Variants in TBC1D5 observed in about 807,000 individuals in gnomAD.
The protein encoded by TBC1D5 is TBC1 domain family member 5.
In TBC1D5, 75 loss-of-function variants were observed where a neutral mutation model predicts 100.3. That is an observed-to-expected ratio of 0.75 (90% CI 0.62 to 0.91). The LOEUF (loss-of-function observed/expected upper bound fraction) is 0.91, where lower values mean the gene tolerates loss of function less well. TBC1D5 is among the 40% of genes least tolerant of loss of function. TBC1D5 has a pLI of 0.00. For missense variants in TBC1D5, 910 were observed against 942.4 expected (o/e 0.97, Z 0.45); for synonymous variants, 323 against 325.6 (o/e 0.99, Z 0.09).
intron 1 of TBC1D5, among the ~76,000 whole-genome samples, chr3:17,644,783 G>A (rs2064861731): frequency 6.6e-6 from 1 of 152,032 alleles, no homozygotes; most frequent in Non-Finnish European, 1.5e-5. Context: ...ATATTTGGGA[G>A]ACAAAAATAC....
In TBC1D5 at chr3:17,554,890, G is replaced by A. The variant is rs192396333; in HGVS notation, c.-35-46285C>T. On this transcript the variant is annotated intron_variant, in intron 2 of 21. Transcript: ENST00000253692. The stretch of plus-strand genomic sequence containing the variant: ...TTTGGAGACAGAGTCTCACTCTGTC[G>A]CCAGGCTGGAGTGCAGTGGCGCGAT... Among the ~76,000 whole-genome samples the A allele has an allele frequency of 1.7e-3, 258 of 147,756 alleles. 1 individual carries two copies. The highest frequency in any genetic ancestry group is 2.8e-3 in the Non-Finnish European group (188 of 67,262).
chr3:17,380,039 C>CTCTGTGTG (rs1445285267), intron 9 of TBC1D5, among the ~76,000 whole-genome samples: 2 of 100,020 alleles, frequency 2.0e-5, no homozygotes, highest in African/African-American at 6.5e-5. Flanking sequence ...ACAGCTGTGA[C>CTCTGTGTG]TGTGTATGTG....
chr3:17,222,121 C>G (rs1392717589), intron 17 of TBC1D5, among the ~76,000 whole-genome samples: 1 of 152,086 alleles, frequency 6.6e-6, no homozygotes, highest in Non-Finnish European at 1.5e-5. Flanking sequence ...TTCATCTTTT[C>G]TTTTATCTTT....
Position 17,502,132 on chromosome 3 carries a change from G to C in TBC1D5, c.97+6342C>G, listed in dbSNP as rs1431221013. 2.0e-5 allele frequency among the ~76,000 whole-genome samples: 3 copies of C among 149,462 alleles called. No individual in the cohort carries two copies. The East Asian group carries it at 5.8e-4, about 29-fold the overall frequency. ...CACTGCCTCTCCTCTATACTTCCAA[G>C]ACCGCAGAACTCTTCTTCCACTGAT... is the stretch of plus-strand genomic sequence containing the variant. On this transcript the variant is annotated intron_variant, in intron 3 of 21. Coordinates refer to ENST00000253692, the Ensembl canonical transcript of TBC1D5.
intron 3 of TBC1D5, among the ~76,000 whole-genome samples, chr3:17,455,244 T>G (rs1363562137): frequency 7.7e-6 from 1 of 129,462 alleles, no homozygotes; most frequent in African/African-American, 3.5e-5. Flanking sequence ...ATACATATAT[T>G]ATTGTATATA....
chr3:17,592,856 G>T (rs2060319693), intron 2 of TBC1D5, among the ~76,000 whole-genome samples: 1 of 152,174 alleles, frequency 6.6e-6, no homozygotes, highest in African/African-American at 2.4e-5. Flanking sequence ...CTCTCCTTTT[G>T]AGAGACAGCT....
chr3:17,472,528 T>C (rs1273124461), intron 3 of TBC1D5, among the ~76,000 whole-genome samples: 1 of 152,174 alleles, frequency 6.6e-6, no homozygotes, highest in Admixed American at 6.5e-5. Context: ...CCCTCCTTAA[T>C]TCATTTCCTA....
intron 1 of TBC1D5, among the ~76,000 whole-genome samples, chr3:17,645,078 T>TA (rs928467193): frequency 1.3e-5 from 2 of 152,160 alleles, no homozygotes; most frequent in Admixed American, 6.6e-5. Flanking sequence ...ACAAGGTACC[T>TA]AATTTGTATC....
exon 1 of TBC1D5, chr3:17,740,616 T>C (rs554066953): frequency 8.9e-4 from 135 of 152,306 alleles, no homozygotes; most frequent in African/African-American, 3.2e-3. Flanking sequence ...GTGAAAAAAT[T>C]ACATTAGAAA....
chr3:17,457,548 T>A (rs2095115758), intron 3 of TBC1D5, among the ~76,000 whole-genome samples: 1 of 152,364 alleles, frequency 6.6e-6, no homozygotes, highest in Admixed American at 6.5e-5. Context: ...CTGCTGAAAT[T>A]AACCATCTGA....
intron 3 of TBC1D5, among the ~76,000 whole-genome samples, chr3:17,463,853 C>T (rs901615306): frequency 7.9e-5 from 12 of 151,316 alleles, no homozygotes; most frequent in Non-Finnish European, 1.3e-4. Context: ...TTCATGCAAT[C>T]GTATCTCTTC....
rs2092729851 is a variant in TBC1D5, at chr3:17,376,834, G to C, written c.613-221C>G. On this transcript the variant is annotated intron_variant, in intron 9 of 21. Transcript: ENST00000253692. ...AGCAGGTATTCTTCTTTAAAATATGGAGAGCAGTTCTCTTTTAAATGACAT... is the reference window on the plus strand; with the variant it reads ...AGCAGGTATTCTTCTTTAAAATATGCAGAGCAGTTCTCTTTTAAATGACAT... 3.9e-5 allele frequency among the ~76,000 whole-genome samples: 6 copies of C among 152,082 alleles called. No homozygotes were observed. In the South Asian group the frequency reaches 6.2e-4, roughly 16 times the overall value.
intron 3 of TBC1D5, among the ~76,000 whole-genome samples, chr3:17,440,719 G>A (rs1477488102): frequency 1.3e-5 from 2 of 152,106 alleles, no homozygotes; most frequent in African/African-American, 4.8e-5. Context: ...TCGGCTTACT[G>A]CAACCTCTGC....
intron 1 of TBC1D5, among the ~76,000 whole-genome samples, chr3:17,641,122 A>G (rs1260589938): frequency 6.6e-6 from 1 of 152,146 alleles, no homozygotes; most frequent in Admixed American, 6.6e-5. Context: ...AAAACAATCC[A>G]TCTAGGAAGA....
intron 1 of TBC1D5, among the ~76,000 whole-genome samples, chr3:17,650,619 TG>T (rs2065457861): frequency 6.6e-6 from 1 of 152,218 alleles, no homozygotes; most frequent in African/African-American, 2.4e-5. Context: ...CTTTTGAATT[TG>T]GTACGATTCT....
At chr3:17,367,594 C>T (rs941358212) in intron 13 of TBC1D5, among the ~76,000 whole-genome samples, 3 of 152,108 alleles carry the variant, frequency 2.0e-5, no homozygotes, top group Non-Finnish European at 4.4e-5. Flanking sequence ...CGCAGTGGCT[C>T]ACACGTGTAA....
chr3:17,183,740 T>C (rs548265859), intron 19 of TBC1D5, among the ~76,000 whole-genome samples: 1 of 152,268 alleles, frequency 6.6e-6, no homozygotes, highest in South Asian at 2.1e-4. Flanking sequence ...AAGAGAACAT[T>C]TATTATTTTA....
At chr3:17,233,724 G>A (rs1268725659) in intron 17 of TBC1D5, 3 of 1,545,658 alleles carry the variant, frequency 1.9e-6, no homozygotes, top group Non-Finnish European at 2.6e-6. Context: ...ACAGAAACCT[G>A]AGCATCGCTT....
chr3:17,525,681 T>C (rs1335618441), intron 2 of TBC1D5, among the ~76,000 whole-genome samples: 1 of 151,964 alleles, frequency 6.6e-6, no homozygotes, highest in East Asian at 1.9e-4. Flanking sequence ...GTTCTCAAAA[T>C]GTCTTTCACG....
Sources: allele counts gnomAD v4.1 joint callset (sites outside exome capture counted in the v4.1 genomes callset), GRCh38; gene constraint gnomAD v4.1.1; transcripts MANE v1.5; gene names NCBI Gene and HGNC (gene_info 2026-07-23, HGNC 2026-07-21).